CORO2B: variants seen among roughly 807,000 people sequenced by gnomAD.
The protein encoded by CORO2B is coronin-2B.
A neutral mutation model predicts 58.8 loss-of-function variants in CORO2B; 26 were observed. The ratio of observed to expected loss-of-function variants is 0.44; its 90% confidence interval spans 0.32 to 0.61. The LOEUF (loss-of-function observed/expected upper bound fraction) is 0.61, where lower values mean the gene tolerates loss of function less well. Among genes scored for constraint, CORO2B ranks in the 20% least tolerant of loss-of-function variants. The pLI is 0.04. For synonymous variants in CORO2B, 242 were observed against 253.8 expected, an observed-to-expected ratio of 0.95 and a Z score of 0.44; for missense variants, 460 against 645.1, an observed-to-expected ratio of 0.71 and a Z score of 3.11.
At chr15:68,587,192 T>A (rs1466233893) in intron 1 of CORO2B, among the ~76,000 whole-genome samples, 3 of 151,834 alleles carry the variant, frequency 2.0e-5, no homozygotes, top group Non-Finnish European at 4.4e-5. Flanking sequence ...TGAGACCCCA[T>A]CTCTAAAACA....
chr15:68,666,170 ATTTG>A (rs1902183540), intron 2 of CORO2B, among the ~76,000 whole-genome samples: 1 of 152,188 alleles, frequency 6.6e-6, no homozygotes, highest in African/African-American at 2.4e-5. Flanking sequence ...TGAGTGTCCT[ATTTG>A]TTTGAGGTAG....
chr15:68,606,674 T>C (rs1900133284), intron 1 of CORO2B, among the ~76,000 whole-genome samples: 1 of 152,158 alleles, frequency 6.6e-6, no homozygotes, highest in Admixed American at 6.5e-5. Flanking sequence ...ATGAGGATAT[T>C]TTGCTAGCTC....
the CORO2B span, among the ~76,000 whole-genome samples, chr15:68,557,323 G>A: frequency 6.6e-6 from 1 of 152,160 alleles, no homozygotes; most frequent in East Asian, 1.9e-4. Context: ...TCTATTCAAG[G>A]TCATAGCAGA....
chr15:68,633,251 G>A (rs967274406), intron 1 of CORO2B, among the ~76,000 whole-genome samples: 3 of 152,082 alleles, frequency 2.0e-5, no homozygotes, highest in South Asian at 2.1e-4. Flanking sequence ...TAGGGGAACT[G>A]TTGGCCACAG....
intron 3 of CORO2B, among the ~76,000 whole-genome samples, chr15:68,705,577 G>T (rs912900798): frequency 2.6e-5 from 4 of 152,104 alleles, no homozygotes; most frequent in Non-Finnish European, 4.4e-5. Context: ...AGTCCCTCAA[G>T]CCCTGCCTGA....
chr15:68,662,134 C>G (rs372805181), intron 2 of CORO2B, among the ~76,000 whole-genome samples: 1 of 152,314 alleles, frequency 6.6e-6, no homozygotes. Context: ...GCAGAAGCTG[C>G]TTTTCCTGTT....
chr15:68,654,653 T>C (rs1901746895), intron 2 of CORO2B, among the ~76,000 whole-genome samples: 1 of 152,226 alleles, frequency 6.6e-6, no homozygotes, highest in East Asian at 1.9e-4. Context: ...GAAATAATAA[T>C]AGTGCATGTT....
intron 1 of CORO2B, among the ~76,000 whole-genome samples, chr15:68,598,710 C>T (rs1469148410): frequency 6.6e-6 from 1 of 152,234 alleles, no homozygotes; most frequent in African/African-American, 2.4e-5. Context: ...CTCCTCTGTG[C>T]CTTCCCATCT....
chr15:68,674,867 C>T (rs1902524470), intron 2 of CORO2B, among the ~76,000 whole-genome samples: 1 of 152,192 alleles, frequency 6.6e-6, no homozygotes, highest in Admixed American at 6.5e-5. Context: ...AATGAGTCCA[C>T]AGTGACCAAT....
In CORO2B at chr15:68,719,557, G is replaced by C; in HGVS notation, c.1311+5G>C. On this transcript the variant is annotated splice_donor_5th_base_variant and intron_variant, in intron 11 of 11. Transcript: ENST00000261861. ...CCACCCAGGACAGAGAATGAGGTAA[G>C]GAATGTAAGTTATTACCTCCACAGG... The C allele has an allele frequency of 6.2e-7, 1 of 1,611,048 alleles. No homozygotes were observed. The highest frequency in any genetic ancestry group is 8.5e-7 in the Non-Finnish European group (1 of 1,179,026).
intron 2 of CORO2B, among the ~76,000 whole-genome samples, chr15:68,673,035 AG>A (rs1481717101): frequency 6.6e-6 from 1 of 152,206 alleles, no homozygotes; most frequent in Non-Finnish European, 1.5e-5. Context: ...CCCCAGGGAA[AG>A]GGTCTACAAA....
the CORO2B span, among the ~76,000 whole-genome samples, chr15:68,573,325 C>G: frequency 2.6e-5 from 4 of 151,958 alleles, no homozygotes; most frequent in Admixed American, 2.0e-4. Flanking sequence ...TCCACAGAGA[C>G]AGGAGATGGA....
rs1260151675 is a variant in CORO2B, at chr15:68,648,860, A to G, written c.216+3500A>G. ...TAAATGAGGCAAGTTGGCAATTTCTACTAATATTTAAAGATGCATGTCTAC... is the reference window on the plus strand; with the variant it reads ...TAAATGAGGCAAGTTGGCAATTTCTGCTAATATTTAAAGATGCATGTCTAC... On this transcript the variant is annotated intron_variant, in intron 2 of 11. Transcript: ENST00000261861. Among the ~76,000 whole-genome samples the G allele has an allele frequency of 2.0e-5, 3 of 152,248 alleles. No individual in the cohort carries two copies. The East Asian group carries it at 5.8e-4, about 29-fold the overall frequency.
intron 1 of CORO2B, among the ~76,000 whole-genome samples, chr15:68,586,649 G>A (rs552927802): frequency 6.6e-6 from 1 of 152,312 alleles, no homozygotes; most frequent in East Asian, 1.9e-4. Flanking sequence ...CCTGTAAAAG[G>A]TGGCCCAGTG....
the CORO2B span, among the ~76,000 whole-genome samples, chr15:68,543,435 C>G: frequency 6.6e-6 from 1 of 152,180 alleles, no homozygotes; most frequent in Non-Finnish European, 1.5e-5. Context: ...CATTGTTTAT[C>G]TTGGTGTCTG....
intron 3 of CORO2B, among the ~76,000 whole-genome samples, chr15:68,697,603 G>A (rs577378577): frequency 1.3e-5 from 2 of 152,294 alleles, no homozygotes; most frequent in East Asian, 3.9e-4. Flanking sequence ...AGTGAAGGCA[G>A]TGCCCTTGGG....
At chr15:68,602,962 C>T (rs903936082) in intron 1 of CORO2B, among the ~76,000 whole-genome samples, 1 of 152,136 alleles carries the variant, frequency 6.6e-6, no homozygotes, top group Admixed American at 6.5e-5. Flanking sequence ...GCTTTGCAAT[C>T]CCTTGCCTAG....
At chr15:68,633,091 A>G (rs912548948) in intron 1 of CORO2B, among the ~76,000 whole-genome samples, 15 of 152,188 alleles carry the variant, frequency 9.9e-5, no homozygotes, top group African/African-American at 3.6e-4. Flanking sequence ...TAAACCCTTC[A>G]AGGGGAGGAG....
chr15:68,662,464 A>G (rs940377675), intron 2 of CORO2B, among the ~76,000 whole-genome samples: 1 of 152,236 alleles, frequency 6.6e-6, no homozygotes, highest in African/African-American at 2.4e-5. Flanking sequence ...GGATTCATTT[A>G]TCTTGAAATG....
Sources: gnomAD v4.1 joint callset for allele counts (sites outside exome capture counted in the v4.1 genomes callset) on GRCh38, gnomAD v4.1.1 for gene constraint, MANE v1.5 for transcripts, NCBI Gene and HGNC (gene_info 2026-07-23, HGNC 2026-07-21) for gene names.